UNC5C: variants seen among roughly 807,000 people sequenced by gnomAD.
UNC5C encodes unc-5 netrin receptor C, also known as netrin receptor UNC5C.
In UNC5C, 47 loss-of-function variants were observed where a neutral mutation model predicts 99.8. The observed-to-expected ratio is 0.47, with a 90% CI of 0.37 to 0.60. The LOEUF (loss-of-function observed/expected upper bound fraction) is 0.60, where lower values mean the gene tolerates loss of function less well. Ranked by LOEUF, UNC5C falls within the 20% of genes least tolerant of loss-of-function variation. The pLI, the probability that UNC5C is intolerant of heterozygous loss-of-function variation, is 0.00. For missense variants in UNC5C, 1,062 were observed against 1,165.9 expected, an observed-to-expected ratio of 0.91 and a Z score of 1.30; for synonymous variants, 487 against 452.2, an observed-to-expected ratio of 1.08 and a Z score of -0.98.
intron 7 of UNC5C, among the ~76,000 whole-genome samples, chr4:95,231,755 T>G (rs144013814): frequency 6.6e-6 from 1 of 152,196 alleles, no homozygotes; most frequent in African/African-American, 2.4e-5. Flanking sequence ...GCTGCACTAA[T>G]GATGTCAAAG....
chr4:95,252,729 C>T (rs2149382801), intron 4 of UNC5C, among the ~76,000 whole-genome samples: 1 of 152,216 alleles, frequency 6.6e-6, no homozygotes, highest in East Asian at 1.9e-4. Context: ...GTAGAAAATC[C>T]CACACATGAC....
chr4:95,267,696 C>T (rs1579282359), intron 4 of UNC5C, among the ~76,000 whole-genome samples: 1 of 152,034 alleles, frequency 6.6e-6, no homozygotes, highest in Non-Finnish European at 1.5e-5. Context: ...AGAATCAATA[C>T]AAGCAGGCAC....
At chr4:95,425,533 A>G (rs960657830) in intron 1 of UNC5C, among the ~76,000 whole-genome samples, 9 of 152,318 alleles carry the variant, frequency 5.9e-5, no homozygotes, top group Admixed American at 2.0e-4. Flanking sequence ...TGTGTTAGCC[A>G]GGATGGTCTG....
intron 1 of UNC5C, among the ~76,000 whole-genome samples, chr4:95,470,433 A>T (rs2149474225): frequency 6.6e-6 from 1 of 152,274 alleles, no homozygotes; most frequent in East Asian, 1.9e-4. Flanking sequence ...TGGTCGACAG[A>T]GAATGGACGG....
chr4:95,354,487 T>A (rs866968788), intron 1 of UNC5C, among the ~76,000 whole-genome samples: 898 of 65,500 alleles, frequency 0.014, 12 homozygotes, highest in African/African-American at 0.048. Context: ...ATATTTTTTT[T>A]TTTTTTTTAA....
At chr4:95,437,629 C>T (rs77916140) in intron 1 of UNC5C, among the ~76,000 whole-genome samples, 2,947 of 151,916 alleles carry the variant, frequency 0.019, 39 homozygotes, top group Non-Finnish European at 0.028. Context: ...CAGACATCAC[C>T]CATATTTTGT....
chr4:95,508,846 AT>A (rs1405043012), intron 1 of UNC5C, among the ~76,000 whole-genome samples: 1 of 151,954 alleles, frequency 6.6e-6, no homozygotes, highest in African/African-American at 2.4e-5. Flanking sequence ...TTAATATAGT[AT>A]CCCAAATTTA....
At chr4:95,513,955 T>C (rs761241850) in intron 1 of UNC5C, among the ~76,000 whole-genome samples, 7 of 152,192 alleles carry the variant, frequency 4.6e-5, no homozygotes, top group Non-Finnish European at 7.3e-5. Context: ...TTGAATAATT[T>C]GGGGTTATAT....
intron 1 of UNC5C, among the ~76,000 whole-genome samples, chr4:95,515,253 T>A (rs1028875797): frequency 2.0e-5 from 3 of 152,172 alleles, no homozygotes; most frequent in African/African-American, 7.2e-5. Context: ...TTAATTATAG[T>A]ACATGCTGCT....
chr4:95,181,352 C>T (rs966535944), intron 14 of UNC5C, among the ~76,000 whole-genome samples: 2 of 152,194 alleles, frequency 1.3e-5, no homozygotes, highest in African/African-American at 4.8e-5. Flanking sequence ...AGGGAGGTGG[C>T]AGCCCTGGCG....
intron 1 of UNC5C, among the ~76,000 whole-genome samples, chr4:95,339,295 T>C (rs1403578294): frequency 6.6e-6 from 1 of 152,032 alleles, no homozygotes; most frequent in African/African-American, 2.4e-5. Context: ...AGGTCCTCTG[T>C]TCCAAAATAA....
intron 1 of UNC5C, among the ~76,000 whole-genome samples, chr4:95,442,919 G>A (rs947572228): frequency 6.6e-5 from 10 of 151,890 alleles, no homozygotes; most frequent in Admixed American, 3.3e-4. Context: ...TAATGGTAAC[G>A]CTGGCAGATG....
intron 1 of UNC5C, among the ~76,000 whole-genome samples, chr4:95,397,039 G>A (rs755570595): frequency 1.3e-5 from 2 of 152,134 alleles, no homozygotes; most frequent in Non-Finnish European, 2.9e-5. Flanking sequence ...CCAGGAGGCT[G>A]AGTGCCAGAG....
chr4:95,329,613 A>T (rs932738386), intron 2 of UNC5C, among the ~76,000 whole-genome samples: 1 of 152,162 alleles, frequency 6.6e-6, no homozygotes, highest in African/African-American at 2.4e-5. Flanking sequence ...CTGTTCCTGT[A>T]TCTTGTTATA....
At chr4:95,401,487 T>G in intron 1 of UNC5C, among the ~76,000 whole-genome samples, 1 of 152,106 alleles carries the variant, frequency 6.6e-6, no homozygotes, top group Non-Finnish European at 1.5e-5. Flanking sequence ...TGTAGCTTTT[T>G]GCAGTGATGA....
At position 95,223,867 on chromosome 4, in the gene UNC5C, GA is replaced by G. The variant is rs144041500; in HGVS notation, c.1109-3692del. 5.1e-3 allele frequency among the ~76,000 whole-genome samples: 770 copies of G among 152,276 alleles called. 10 individuals carry two copies. Among genetic ancestry groups the G allele is most frequent in the African/African-American group, 0.016 (668 of 41,534 alleles). On this transcript the variant is annotated intron_variant, in intron 7 of 15. Transcript: ENST00000453304. ...ACCAGATCACAATGCCATCTTCCTG[GA>G]AGTGATGATGTTAAGTAGAAGAATG...
intron 1 of UNC5C, among the ~76,000 whole-genome samples, chr4:95,523,330 G>A (rs1047122867): frequency 1.3e-5 from 2 of 152,128 alleles, no homozygotes; most frequent in Non-Finnish European, 2.9e-5. Context: ...CAGCAGCTGG[G>A]GGATGTGTGC....
intron 1 of UNC5C, among the ~76,000 whole-genome samples, chr4:95,451,464 A>G (rs1471835784): frequency 6.6e-6 from 1 of 152,232 alleles, no homozygotes. Context: ...CGATATCTTA[A>G]CCATAAGTCA....
intron 1 of UNC5C, among the ~76,000 whole-genome samples, chr4:95,450,599 G>A (rs770913539): frequency 2.5e-4 from 38 of 152,178 alleles, no homozygotes; most frequent in African/African-American, 8.2e-4. Context: ...TCCTTTCTCC[G>A]TCTTATTTCT....
Sources: allele counts gnomAD v4.1 joint callset (sites outside exome capture counted in the v4.1 genomes callset), GRCh38; gene constraint gnomAD v4.1.1; transcripts MANE v1.5; gene names NCBI Gene and HGNC (gene_info 2026-07-23, HGNC 2026-07-21).